SLIRP: variants seen among roughly 807,000 people sequenced by gnomAD.
The protein encoded by SLIRP is SRA stem-loop interacting RNA binding protein, also known as SRA stem-loop-interacting RNA-binding protein, mitochondrial.
In SLIRP, 12 loss-of-function variants were observed where a neutral mutation model predicts 13.4. That is an observed-to-expected ratio of 0.89 (90% CI 0.57 to 1.45). The LOEUF is 1.45. Ranked by LOEUF, SLIRP falls within the 40% of genes most tolerant of loss-of-function variation. SLIRP has a pLI of 0.00. For synonymous variants in SLIRP, 55 were observed against 47.1 expected (o/e 1.17, Z -0.69); for missense variants, 154 against 132.2 (o/e 1.17, Z -0.81).
chr14:77,711,638 C>T (rs780127243), intron 2 of SLIRP: 1 of 152,264 alleles, frequency 6.6e-6, no homozygotes, highest in Non-Finnish European at 1.5e-5. Context: ...TCACTGCAAC[C>T]TCTGCCTCCC....
chr14:77,709,005 C>A (rs2080418780), intron 1 of SLIRP, among the ~76,000 whole-genome samples: 2 of 152,130 alleles, frequency 1.3e-5, no homozygotes, highest in African/African-American at 4.8e-5. Flanking sequence ...GTCAATAATA[C>A]CCAACTCATA....
At chr14:77,716,443 T>A (rs1454383812) in intron 3 of SLIRP, 1 of 150,452 alleles carries the variant, frequency 6.6e-6, no homozygotes, top group Non-Finnish European at 1.5e-5. Context: ...AGGTCAGGAG[T>A]TTGAGACCAG....
chr14:77,710,576 A>G (rs1008903825), intron 1 of SLIRP: 1 of 1,471,414 alleles, frequency 6.8e-7, no homozygotes, highest in Non-Finnish European at 9.0e-7. Context: ...CACATAGCAC[A>G]GTAACTGGTA....
At chr14:77,715,152 T>A (rs1411824143) in intron 2 of SLIRP, among the ~76,000 whole-genome samples, 4 of 152,100 alleles carry the variant, frequency 2.6e-5, no homozygotes, top group Non-Finnish European at 4.4e-5. Flanking sequence ...AAACGAAGCT[T>A]AGAACAAGAG....
Position 77,708,309 on chromosome 14 carries a change from TAGG to T in SLIRP, c.97+104_97+106del, listed in dbSNP as rs1477486610. ...ACTTAAGTCAGCGTGGTGGCTGAAT[TAGG>T]AGACTGCTCCTGAGCATGCAAGTGA... On this transcript the variant is annotated intron_variant, in intron 1 of 3. Transcript: ENST00000557342. 25 of 1,169,434 alleles carry T rather than the reference TAGG, an allele frequency of 2.1e-5. No individual in the cohort carries two copies. The African/African-American group carries it at 3.0e-4, about 14-fold the overall frequency. The allele number at this position is 1,169,434 out of a possible 1,614,324, so 72.4% of individuals were successfully genotyped here. A position where few individuals can be genotyped will look rare whatever the true frequency, so the allele number is the denominator to read the frequency against.
intron 1 of SLIRP, chr14:77,710,572 G>A: frequency 6.8e-7 from 1 of 1,464,144 alleles, no homozygotes; most frequent in African/African-American, 1.4e-5. Flanking sequence ...AGTCCACATA[G>A]CACAGTAACT....
At chr14:77,715,943 CAATT>C in intron 3 of SLIRP, 64 bp downstream of exon 3, 2 of 1,170,390 alleles carry the variant, frequency 1.7e-6, no homozygotes, top group Non-Finnish European at 2.5e-6. Context: ...AATTATGTAT[CAATT>C]AAATAGATCA....
intron 1 of SLIRP, chr14:77,710,445 A>G (rs572301240): frequency 1.7e-6 from 1 of 577,012 alleles, no homozygotes; most frequent in East Asian, 6.6e-5. Flanking sequence ...AACACATTTT[A>G]CTAAATTGTG....
chr14:77,710,156 C>G (rs957863123), intron 1 of SLIRP, among the ~76,000 whole-genome samples: 6 of 152,110 alleles, frequency 3.9e-5, no homozygotes, highest in African/African-American at 1.4e-4. Context: ...TACTCTAAAT[C>G]TTTGAAGTCT....
At chr14:77,716,110 A>G in intron 3 of SLIRP, 1 of 339,712 alleles carries the variant, frequency 2.9e-6, no homozygotes, top group Non-Finnish European at 5.4e-6. Flanking sequence ...AGGTCAGGAG[A>G]TCGAGACCAT....
chr14:77,713,675 TAAG>T (rs372066790), intron 2 of SLIRP, among the ~76,000 whole-genome samples: 5 of 152,020 alleles, frequency 3.3e-5, no homozygotes, highest in South Asian at 4.1e-4. Flanking sequence ...TAATGTCAAG[TAAG>T]AAGAAGAAAC....
rs1341926089 is a variant in SLIRP at position 77,716,891 on chromosome 14, A to G, written c.265-605A>G. On this transcript the variant is annotated intron_variant, in intron 3 of 3. Transcript: ENST00000557342. ...ATTCTCCTGCCTCAACCTCCCGAGT[A>G]GCTGGGATTACAGGCATGCGCCACC... Among the ~76,000 whole-genome samples, 28 of 151,946 alleles carry G rather than the reference A, an allele frequency of 1.8e-4. 1 individual carries two copies. The highest frequency in any genetic ancestry group is 1.5e-5 in the Non-Finnish European group (1 of 67,982).
At chr14:77,716,623 CAA>C (rs1196719825) in intron 3 of SLIRP, among the ~76,000 whole-genome samples, 6 of 69,614 alleles carry the variant, frequency 8.6e-5, no homozygotes, top group African/African-American at 3.5e-4. Flanking sequence ...GCCTGGGCAA[CAA>C]GAGCAAAACT....
chr14:77,714,623 C>T (rs1165178669), intron 2 of SLIRP, among the ~76,000 whole-genome samples: 2 of 152,164 alleles, frequency 1.3e-5, no homozygotes, highest in African/African-American at 4.8e-5. Context: ...TTTCTTAATG[C>T]CTTTGACTGT....
rs761090685 is a variant in SLIRP, at chr14:77,715,821, CAGA to C, written c.212_214del (p.Glu71del). ...GGTTTGGGTTGGGTTCAGTTTTCTT[CAGA>C]AGAAGGACTTCGGAATGCACTACAA... On this transcript the variant is annotated inframe_deletion, in exon 3 of 4. Coordinates refer to ENST00000557342, the MANE Select transcript of SLIRP (RefSeq NM_031210.6). The C allele has an allele frequency of 4.1e-5, 66 of 1,613,916 alleles. No homozygotes were observed. Among genetic ancestry groups the C allele is most frequent in the Middle Eastern group, 1.6e-4 (1 of 6,084 alleles).
intron 3 of SLIRP, chr14:77,716,101 G>A (rs2080475976): frequency 2.8e-6 from 1 of 356,022 alleles, no homozygotes; most frequent in Non-Finnish European, 5.1e-6. Context: ...CGGATCACAA[G>A]GTCAGGAGAT....
In SLIRP at chr14:77,708,132, A is replaced by C. The variant is rs764791979; in HGVS notation, c.21A>C (p.Arg7Ser). 8 of 1,614,098 alleles carry C rather than the reference A, an allele frequency of 5.0e-6. No individual in the cohort carries two copies. The part of the protein sequence containing the change: MAASAA[R>S]GAAALRRSIN... ...TGAAGATGGCGGCCTCAGCAGCGAG[A>C]GGTGCTGCGGCGCTGCGTAGAAGTA... Residue 7 changes from arginine (R) to serine (S), a missense_variant, in exon 1 of 4, where the codon AGA becomes AGC. By Grantham distance (110) the Arg-to-Ser change is moderately radical (BLOSUM62 -1). Transcript: ENST00000557342.
At chr14:77,711,469 CAT>C (rs2080440203) in intron 2 of SLIRP, among the ~76,000 whole-genome samples, 1 of 152,050 alleles carries the variant, frequency 6.6e-6, no homozygotes, top group Non-Finnish European at 1.5e-5. Flanking sequence ...GGACTATAGA[CAT>C]GTGCCACCAT....
At chr14:77,710,956 G>T in intron 2 of SLIRP, 60 bp downstream of exon 2, 1 of 1,384,392 alleles carries the variant, frequency 7.2e-7, no homozygotes, top group South Asian at 1.2e-5. Context: ...AAAAAAAATA[G>T]AATGAATAAG....
Sources: allele counts gnomAD v4.1 joint callset (sites outside exome capture counted in the v4.1 genomes callset), GRCh38; gene constraint gnomAD v4.1.1; transcripts MANE v1.5; gene names NCBI Gene and HGNC (gene_info 2026-07-23, HGNC 2026-07-21).